Variants in PCDHA5 observed in about 807,000 individuals in gnomAD.
PCDHA5 encodes the protein protocadherin alpha 5, also known as protocadherin alpha-5.
Under a neutral mutation model 61.6 loss-of-function variants are expected in PCDHA5, and 43 were observed. That is an observed-to-expected ratio of 0.70 (90% CI 0.55 to 0.90). The LOEUF is 0.90. PCDHA5 is among the 40% of genes least tolerant of loss of function. The probability of loss-of-function intolerance (pLI) is 0.00; values close to 1 mark genes in which losing one functional copy is unlikely to be tolerated. For missense variants in PCDHA5, 1,298 were observed against 1,222.7 expected, an observed-to-expected ratio of 1.06 and a Z score of -0.92; for synonymous variants, 627 against 543.9, an observed-to-expected ratio of 1.15 and a Z score of -2.13.
At chr5:140,934,561 TTTAA>T (rs549996624) in intron 1 of PCDHA5, among the ~76,000 whole-genome samples, 1 of 152,208 alleles carries the variant, frequency 6.6e-6, no homozygotes, top group South Asian at 2.1e-4. Flanking sequence ...TCTTCTTTTT[TTTAA>T]TTAATTGTAA....
At chr5:140,926,987 G>A (rs782407289) in intron 1 of PCDHA5, 13 of 1,610,996 alleles carry the variant, frequency 8.1e-6, no homozygotes, top group Non-Finnish European at 1.1e-5. Flanking sequence ...GAGACGGAGC[G>A]GGGCGTAGCC....
intron 1 of PCDHA5, among the ~76,000 whole-genome samples, chr5:140,888,497 A>C (rs2061848830): frequency 6.6e-6 from 1 of 152,250 alleles, no homozygotes; most frequent in Non-Finnish European, 1.5e-5. Flanking sequence ...ACTCTGCTTT[A>C]AAGAGTCTTG....
chr5:140,863,992 C>T (rs1554158598), intron 1 of PCDHA5: 3 of 152,876 alleles, frequency 2.0e-5, no homozygotes, highest in African/African-American at 7.3e-5. Context: ...CAGGGTGAAA[C>T]TCTGTCTTAA....
rs147180015 is a variant in PCDHA5, at chr5:140,822,636, T to G, written c.861T>G (p.Asp287Glu). The change falls in exon 1 of 4, where the codon GAT becomes GAG. Residue 287 changes from aspartate to glutamate, a missense_variant. By Grantham distance (45) the Asp-to-Glu change is conservative (BLOSUM62 2). Transcript: ENST00000529859. ...VYFFSNLVLD[D>E]VKSKFIINSN... ...TCTTTAGTAATCTTGTTCTTGACGATGTAAAGTCCAAATTTATAATTAATT... is the reference window on the plus strand; with the variant it reads ...TCTTTAGTAATCTTGTTCTTGACGAGGTAAAGTCCAAATTTATAATTAATT... 3.1e-6 allele frequency: 5 copies of G among 1,610,778 alleles called. No individual in the cohort carries two copies. Among genetic ancestry groups the G allele is most frequent in the Admixed American group, 1.7e-5 (1 of 59,828 alleles).
Position 140,822,884 on chromosome 5 carries a change from T to A in PCDHA5, c.1109T>A (p.Leu370Gln), listed in dbSNP as rs2150120043. The A allele has an allele frequency of 6.2e-7, 1 of 1,614,242 alleles. No individual in the cohort carries two copies. Among genetic ancestry groups the A allele is most frequent in the Admixed American group, 1.7e-5 (1 of 60,034 alleles). ...GCTCCACTCAGCACGGTCATTGCTC[T>A]GATCAGCGTGTCTGACCGTGACTCA... is the stretch of plus-strand genomic sequence containing the variant. ...EDAPLSTVIALISVSDRDSGA... is the reference protein window; with the variant it reads ...EDAPLSTVIAQISVSDRDSGA... The change falls in exon 1 of 4, where the codon CTG becomes CAG. Residue 370 changes from leucine (L) to glutamine (Q), a missense_variant. By Grantham distance (113) the Leu-to-Gln change is moderately radical. Transcript: ENST00000529859.
At chr5:140,956,885 T>C (rs1156888418) in intron 1 of PCDHA5, among the ~76,000 whole-genome samples, 1 of 152,194 alleles carries the variant, frequency 6.6e-6, no homozygotes, top group Non-Finnish European at 1.5e-5. Context: ...TAGATATCAA[T>C]GAATGAATAT....
In PCDHA5 at chr5:140,852,083, T is replaced by C; in HGVS notation, c.2352+27956T>C. 2 of 899,622 alleles carry C rather than the reference T, an allele frequency of 2.2e-6. 1 individual carries two copies. Among genetic ancestry groups the C allele is most frequent in the Non-Finnish European group, 2.7e-6 (2 of 737,816 alleles). The allele number at this position is 899,622 out of a possible 1,614,324, so 55.7% of individuals were successfully genotyped here. A position where few individuals can be genotyped will look rare whatever the true frequency, so the allele number is the denominator to read the frequency against. On this transcript the variant is annotated intron_variant, in intron 1 of 3. Coordinates refer to ENST00000529859, the MANE Select transcript of PCDHA5 (RefSeq NM_018908.3). The stretch of plus-strand genomic sequence containing the variant: ...TTCTTTCTCTTTCAGCTATTTTATT[T>C]AATATTGTGTCAGATATTTTACAAG...
rs2150357061 is a variant in PCDHA5, at chr5:140,843,307, G to C, written c.2352+19180G>C. On this transcript the variant is annotated intron_variant, in intron 1 of 3. Transcript: ENST00000529859. The stretch of plus-strand genomic sequence containing the variant: ...ATGGTGAACCTGCGCTGACCGCCAC[G>C]GCCACGGTTCTGGTGTCGCTGGTGG... 7 of 1,595,858 alleles carry C rather than the reference G, an allele frequency of 4.4e-6. 1 individual carries two copies. The highest frequency in any genetic ancestry group is 6.0e-6 in the Non-Finnish European group (7 of 1,165,566).
At chr5:140,825,406 A>G (rs1554130225) in intron 1 of PCDHA5, 1 of 146,270 alleles carries the variant, frequency 6.8e-6, no homozygotes, top group African/African-American at 2.5e-5. Context: ...TATATTATAT[A>G]TTTTATATAA....
Position 140,843,584 on chromosome 5 carries a change from C to T in PCDHA5, c.2352+19457C>T. On this transcript the variant is annotated intron_variant, in intron 1 of 3. Coordinates refer to ENST00000529859, the MANE Select transcript of PCDHA5 (RefSeq NM_018908.3). The stretch of plus-strand genomic sequence containing the variant: ...GAGCTGGTCATACTCGCAACAACAG[C>T]CGCAGAGGGTGTGCTCTGGTGAGGG... 1.9e-6 allele frequency: 3 copies of T among 1,595,998 alleles called. No homozygotes were observed. In the East Asian group the frequency reaches 6.7e-5, roughly 36 times the overall value.
intron 1 of PCDHA5, chr5:140,967,013 G>A: frequency 1.9e-6 from 3 of 1,606,874 alleles, no homozygotes; most frequent in Non-Finnish European, 2.5e-6. Flanking sequence ...CAACCATCTG[G>A]GTGCGCCCAG....
At chr5:141,004,054 G>A (rs2098150015) in intron 3 of PCDHA5, among the ~76,000 whole-genome samples, 1 of 152,216 alleles carries the variant, frequency 6.6e-6, no homozygotes, top group Admixed American at 6.5e-5. Flanking sequence ...TGCTGATACT[G>A]GCCCCTGGTT....
intron 1 of PCDHA5, chr5:140,856,990 T>C: frequency 6.3e-7 from 1 of 1,595,350 alleles, no homozygotes; most frequent in Non-Finnish European, 8.6e-7. Flanking sequence ...ACAGTAACAC[T>C]TATGAAATTC....
chr5:140,865,376 G>A (rs1554159396), intron 1 of PCDHA5: 1 of 152,162 alleles, frequency 6.6e-6, no homozygotes, highest in African/African-American at 2.4e-5. Context: ...CATGTTATAG[G>A]TAGGGTAAAG....
Position 140,857,340 on chromosome 5 carries a change from C to T in PCDHA5, c.2352+33213C>T, listed in dbSNP as rs782392001. ...GTGGTGACCGCGCGGGACGGGGGCTCGCCTCCGCTGTGGGCCACGGCCAGC... is the reference window on the plus strand; with the variant it reads ...GTGGTGACCGCGCGGGACGGGGGCTTGCCTCCGCTGTGGGCCACGGCCAGC... On this transcript the variant is annotated intron_variant, in intron 1 of 3. Coordinates refer to ENST00000529859, the MANE Select transcript of PCDHA5 (RefSeq NM_018908.3). 2.5e-6 allele frequency: 4 copies of T among 1,598,236 alleles called. 1 individual carries two copies. Among genetic ancestry groups the T allele is most frequent in the Non-Finnish European group, 2.6e-6 (3 of 1,167,864 alleles).
chr5:140,882,406 C>T, intron 1 of PCDHA5: 3 of 1,614,138 alleles, frequency 1.9e-6, no homozygotes, highest in Non-Finnish European at 2.5e-6. Context: ...CCTTCGTGGG[C>T]CGCATCGCTC....
intron 1 of PCDHA5, among the ~76,000 whole-genome samples, chr5:140,892,414 C>G (rs2063506203): frequency 6.6e-6 from 1 of 152,124 alleles, no homozygotes; most frequent in Non-Finnish European, 1.5e-5. Context: ...TTCAGGTATT[C>G]TAGATAAAAC....
intron 1 of PCDHA5, among the ~76,000 whole-genome samples, chr5:140,932,599 A>G (rs2088459196): frequency 6.6e-6 from 1 of 151,912 alleles, no homozygotes; most frequent in Non-Finnish European, 1.5e-5. Context: ...TTGTATATCT[A>G]TTTTGACTTT....
chr5:140,872,606 A>T (rs905903091), intron 1 of PCDHA5, among the ~76,000 whole-genome samples: 4 of 151,888 alleles, frequency 2.6e-5, no homozygotes, highest in Non-Finnish European at 4.4e-5. Context: ...TGAAAAAATA[A>T]TTTTTTTTGC....
Sources: allele counts gnomAD v4.1 joint callset (sites outside exome capture counted in the v4.1 genomes callset), GRCh38; gene constraint gnomAD v4.1.1; transcripts MANE v1.5; gene names NCBI Gene and HGNC (gene_info 2026-07-23, HGNC 2026-07-21).